KRIT1: variants seen among roughly 807,000 people sequenced by gnomAD.
The protein encoded by KRIT1 is krev interaction trapped protein 1.
In KRIT1, 45 loss-of-function variants were observed where a neutral mutation model predicts 95.8. The observed-to-expected ratio is 0.47, with a 90% CI of 0.37 to 0.60. The LOEUF (loss-of-function observed/expected upper bound fraction) is 0.60. KRIT1 is among the 20% of genes least tolerant of loss of function. The pLI, the probability that KRIT1 is intolerant of heterozygous loss-of-function variation, is 0.00. For missense variants in KRIT1, 788 were observed against 877.5 expected (o/e 0.90, Z 1.29); for synonymous variants, 282 against 278.8 (o/e 1.01, Z -0.11).
intron 17 of KRIT1, among the ~76,000 whole-genome samples, chr7:92,209,880 T>C (rs1042713349): frequency 6.6e-6 from 1 of 151,494 alleles, no homozygotes; most frequent in African/African-American, 2.4e-5. Context: ...CTGGCCAACA[T>C]AGTGAAACCC....
chr7:92,225,152 C>CA (rs1319484251), intron 12 of KRIT1, among the ~76,000 whole-genome samples: 5 of 147,034 alleles, frequency 3.4e-5, no homozygotes, highest in Middle Eastern at 3.5e-3. Context: ...GACTCCATCT[C>CA]AAAAAAAAAA....
At chr7:92,202,245 A>G (rs1375122049) in intron 17 of KRIT1, 1 of 152,226 alleles carries the variant, frequency 6.6e-6, no homozygotes, top group African/African-American at 2.4e-5. Flanking sequence ...CTATTTTTTT[A>G]AGGATAGTCA....
intron 17 of KRIT1, among the ~76,000 whole-genome samples, chr7:92,210,120 A>G (rs187609267): frequency 6.6e-6 from 1 of 152,282 alleles, no homozygotes; most frequent in Admixed American, 6.5e-5. Context: ...TATTACCCAA[A>G]GCAATCAAGT....
chr7:92,201,574 C>T lies in KRIT1; in HGVS notation c.2026-151G>A, dbSNP rs951091238. On this transcript the variant is annotated intron_variant, in intron 17 of 18. Coordinates refer to ENST00000394505, the MANE Select transcript of KRIT1 (RefSeq NM_194454.3). ...ATTATACTTTAAGTTCTGGGGTACA[C>T]GTGCAGAATGTGCAGTTTTGTTACA... The T allele has an allele frequency of 5.8e-5, 36 of 619,202 alleles. 1 individual carries two copies. Among genetic ancestry groups the T allele is most frequent in the Middle Eastern group, 4.4e-4 (1 of 2,258 alleles). 38.4% of individuals were successfully genotyped at this position (619,202 alleles called of 1,614,324 possible).
chr7:92,215,548 C>A (rs1399633413), intron 14 of KRIT1, among the ~76,000 whole-genome samples: 1 of 152,176 alleles, frequency 6.6e-6, no homozygotes, highest in African/African-American at 2.4e-5. Context: ...TGGCCCACTG[C>A]AGCCTCGACC....
chr7:92,225,624 A>C, intron 12 of KRIT1, 96 bp downstream of exon 12: 1 of 766,306 alleles, frequency 1.3e-6, no homozygotes, highest in Admixed American at 1.9e-5. Flanking sequence ...TAAAGAAGCC[A>C]TCTAATCGTC....
At chr7:92,223,596 T>C (rs1239108406) in intron 12 of KRIT1, among the ~76,000 whole-genome samples, 1 of 152,184 alleles carries the variant, frequency 6.6e-6, no homozygotes, top group African/African-American at 2.4e-5. Flanking sequence ...TTAGCGCCTT[T>C]AATGTAATGT....
At position 92,201,396 on chromosome 7, in the gene KRIT1, A is replaced by C. The variant is rs1051131327; in HGVS notation, c.2053T>G (p.Cys685Gly). The C allele has an allele frequency of 4.4e-6, 7 of 1,582,394 alleles. 1 individual carries two copies. The highest frequency in any genetic ancestry group is 2.2e-5 in the South Asian group (2 of 90,444). ...KALLISLKYG[C>G]FMWQLGDTDT... ...GTATCTCCCAATTGCCACATAAAAC[A>C]ACCATACTTAAGACTGATGAGTAAA... The change falls in exon 18 of 19, where the codon TGT (cysteine) becomes GGT (glycine). Residue 685 changes from cysteine to glycine, a missense_variant. Transcript: ENST00000394505.
At chr7:92,233,608 T>C (rs1384480695) in intron 10 of KRIT1, among the ~76,000 whole-genome samples, 4 of 151,896 alleles carry the variant, frequency 2.6e-5, no homozygotes, top group African/African-American at 9.7e-5. Context: ...GGTTTCACCA[T>C]GTTAGCCAGG....
chr7:92,227,039 G>C (rs930153644), intron 10 of KRIT1, among the ~76,000 whole-genome samples: 2 of 152,106 alleles, frequency 1.3e-5, no homozygotes, highest in African/African-American at 4.8e-5. Context: ...ACTCATATAA[G>C]AAAACTTAGT....
intron 14 of KRIT1, among the ~76,000 whole-genome samples, chr7:92,217,348 G>T (rs1229899089): frequency 6.6e-6 from 1 of 152,124 alleles, no homozygotes; most frequent in Non-Finnish European, 1.5e-5. Flanking sequence ...TCACAACATT[G>T]TGCTACCATC....
At chr7:92,228,900 C>T (rs1428400810) in intron 10 of KRIT1, among the ~76,000 whole-genome samples, 1 of 152,158 alleles carries the variant, frequency 6.6e-6, no homozygotes, top group African/African-American at 2.4e-5. Flanking sequence ...ATCCATGGTC[C>T]TGCAAAGACA....
chr7:92,235,667 G>A (rs1798289548), intron 7 of KRIT1, 21 bp from the exon 8 acceptor site: 1 of 1,612,568 alleles, frequency 6.2e-7, no homozygotes, highest in African/African-American at 1.3e-5. Context: ...AAAAAAACAG[G>A]TAGAAGTAGC....
At position 92,241,030 on chromosome 7, in the gene KRIT1, G is replaced by T. The variant is rs749747198; in HGVS notation, c.225C>A (p.Thr75=). The part of the protein sequence containing the change: ...TQGILDYVVE[T]TKPISPANQG... ...GGTTTGCAGGAGAAATTGGTTTGGT[G>T]GTTTCTACTACGTAATCCAATATGC... Residue 75 remains threonine, a synonymous_variant, in exon 5 of 19, where the codon ACC becomes ACA. Transcript: ENST00000394505. 6.8e-6 allele frequency: 11 copies of T among 1,612,694 alleles called. No individual in the cohort carries two copies. In the African/African-American group the frequency reaches 1.5e-4, roughly 22 times the overall value.
At chr7:92,219,525 CA>C (rs2131396056) in intron 14 of KRIT1, among the ~76,000 whole-genome samples, 1 of 152,316 alleles carries the variant, frequency 6.6e-6, no homozygotes, top group Non-Finnish European at 1.5e-5. Context: ...TAGAGTACCA[CA>C]ATGCTTTTGA....
chr7:92,201,875 C>G (rs1191983410), intron 17 of KRIT1, among the ~76,000 whole-genome samples: 1 of 152,182 alleles, frequency 6.6e-6, no homozygotes, highest in Non-Finnish European at 1.5e-5. Context: ...CCCGCACTAA[C>G]CTCACACAGC....
At position 92,200,808 on chromosome 7, in the gene KRIT1, C is replaced by T. The variant is rs760393595; in HGVS notation, c.2143-4G>A. 6.3e-7 allele frequency: 1 copy of T among 1,575,504 alleles called. No individual in the cohort carries two copies. Among genetic ancestry groups the T allele is most frequent in the Admixed American group, 1.7e-5 (1 of 59,916 alleles). ...ACAGTTTTACCACGAGACCAGCCTA[C>T]AAAGTAAAACATGTCAATAATAAAT... On this transcript the variant is annotated splice_region_variant and splice_polypyrimidine_tract_variant and intron_variant, in intron 18 of 18. Transcript: ENST00000394505.
intron 17 of KRIT1, among the ~76,000 whole-genome samples, chr7:92,212,635 G>A (rs997917094): frequency 6.6e-6 from 1 of 152,104 alleles, no homozygotes; most frequent in Non-Finnish European, 1.5e-5. Context: ...ATCCAACCCC[G>A]CTAGCACGCT....
At chr7:92,210,324 T>C (rs1479903859) in intron 17 of KRIT1, among the ~76,000 whole-genome samples, 1 of 152,108 alleles carries the variant, frequency 6.6e-6, no homozygotes, top group Non-Finnish European at 1.5e-5. Flanking sequence ...CCAAACAGCA[T>C]GATGTTATTG....
Sources: gnomAD v4.1 joint callset for allele counts (sites outside exome capture counted in the v4.1 genomes callset) on GRCh38, gnomAD v4.1.1 for gene constraint, MANE v1.5 for transcripts, NCBI Gene and HGNC (gene_info 2026-07-23, HGNC 2026-07-21) for gene names.